The following GPHN variants were observed in gnomAD, a reference collection of about 807,000 sequenced individuals.
The protein encoded by GPHN is gephyrin.
A neutral mutation model predicts 95.5 loss-of-function variants in GPHN; 17 were observed. That is an observed-to-expected ratio of 0.18 (90% CI 0.12 to 0.27). GPHN has a LOEUF of 0.27. GPHN is among the 10% of genes least tolerant of loss of function. The pLI is 1.00. For synonymous variants in GPHN, 320 were observed against 322.5 expected, an observed-to-expected ratio of 0.99 and a Z score of 0.08; for missense variants, 660 against 978.1, an observed-to-expected ratio of 0.67 and a Z score of 4.34.
intron 8 of GPHN, among the ~76,000 whole-genome samples, chr14:66,956,885 A>G (rs1312245805): frequency 6.9e-6 from 1 of 145,426 alleles, no homozygotes; most frequent in South Asian, 2.2e-4. Flanking sequence ...AACACCGCAT[A>G]TTCTCACTCA....
At chr14:67,623,493 C>T in the GPHN span, among the ~76,000 whole-genome samples, 6 of 146,646 alleles carry the variant, frequency 4.1e-5, no homozygotes, top group Non-Finnish European at 8.9e-5. Context: ...GTTTTATTTC[C>T]TTGGGCTTAG....
chr14:67,388,273 A>G, the GPHN span: 5 of 1,613,310 alleles, frequency 3.1e-6, no homozygotes, highest in Non-Finnish European at 4.2e-6. Context: ...AACCACGAAG[A>G]GAAAACCCAC....
chr14:67,302,999 G>A, the GPHN span, among the ~76,000 whole-genome samples: 768 of 152,118 alleles, frequency 5.0e-3, 3 homozygotes, highest in Non-Finnish European at 7.1e-3. Context: ...TGCAGTGTCC[G>A]GCATAATAAT....
chr14:67,689,831 C>T, the GPHN span, among the ~76,000 whole-genome samples: 3 of 152,000 alleles, frequency 2.0e-5, no homozygotes, highest in African/African-American at 7.3e-5. Flanking sequence ...GTAGTCCCAG[C>T]TACTCAGGAG....
At chr14:66,821,254 T>C (rs2061178037) in intron 3 of GPHN, among the ~76,000 whole-genome samples, 1 of 152,246 alleles carries the variant, frequency 6.6e-6, no homozygotes, top group Admixed American at 6.5e-5. Flanking sequence ...ATAAACTGCT[T>C]TTTAAACATG....
chr14:67,589,300 G>C, the GPHN span: 1 of 965,580 alleles, frequency 1.0e-6, no homozygotes, highest in Non-Finnish European at 1.2e-6. Flanking sequence ...AACTAACTTA[G>C]AAACAAAGGA....
At chr14:66,544,982 C>T (rs2059487111) in intron 1 of GPHN, among the ~76,000 whole-genome samples, 1 of 152,224 alleles carries the variant, frequency 6.6e-6, no homozygotes, top group African/African-American at 2.4e-5. Flanking sequence ...TCTCCTGTGT[C>T]TACCTCCTAC....
intron 2 of GPHN, among the ~76,000 whole-genome samples, chr14:66,695,616 A>T (rs1444587994): frequency 1.3e-5 from 2 of 152,242 alleles, no homozygotes; most frequent in Non-Finnish European, 2.9e-5. Flanking sequence ...GATAACCTTC[A>T]GTGGGTGAAT....
At chr14:66,512,092 T>A (rs1259850677) in intron 1 of GPHN, among the ~76,000 whole-genome samples, 3 of 151,874 alleles carry the variant, frequency 2.0e-5, no homozygotes, top group Non-Finnish European at 4.4e-5. Context: ...AATATGGTAA[T>A]GAGTAACATG....
intron 18 of GPHN, among the ~76,000 whole-genome samples, chr14:67,153,990 A>G (rs1567416380): frequency 6.6e-6 from 1 of 152,234 alleles, no homozygotes; most frequent in Non-Finnish European, 1.5e-5. Context: ...GGCTATTTTT[A>G]AAAACAATTT....
At chr14:66,964,047 A>G (rs1006544665) in intron 8 of GPHN, among the ~76,000 whole-genome samples, 8 of 152,316 alleles carry the variant, frequency 5.3e-5, no homozygotes, top group South Asian at 2.1e-4. Flanking sequence ...TAGAAGACGT[A>G]TGCCCGTTAC....
chr14:66,781,497 C>T (rs537522700), intron 3 of GPHN, among the ~76,000 whole-genome samples: 46 of 152,230 alleles, frequency 3.0e-4, no homozygotes, highest in South Asian at 1.0e-3. Flanking sequence ...GGATTACAGA[C>T]GTGAGCCACC....
the GPHN span, among the ~76,000 whole-genome samples, chr14:67,281,860 C>CT: frequency 1.3e-5 from 2 of 151,236 alleles, no homozygotes; most frequent in African/African-American, 4.9e-5. Context: ...CTATTGCTGA[C>CT]TTTTTTACAA....
chr14:66,589,272 C>T (rs1302203464), intron 1 of GPHN, among the ~76,000 whole-genome samples: 4 of 152,110 alleles, frequency 2.6e-5, no homozygotes, highest in Admixed American at 1.3e-4. Context: ...CCAGCCACTG[C>T]AAAAACATAC....
At chr14:67,255,711 C>G in the GPHN span, among the ~76,000 whole-genome samples, 1 of 152,160 alleles carries the variant, frequency 6.6e-6, no homozygotes, top group Non-Finnish European at 1.5e-5. Context: ...GATGGAGTCT[C>G]GCTCTGTTGC....
intron 1 of GPHN, among the ~76,000 whole-genome samples, chr14:66,598,235 G>A (rs2062066831): frequency 6.6e-6 from 1 of 152,130 alleles, no homozygotes; most frequent in Non-Finnish European, 1.5e-5. Flanking sequence ...ATAACAATAT[G>A]TTGTATATTT....
the GPHN span, among the ~76,000 whole-genome samples, chr14:67,661,299 A>AAAT: frequency 7.7e-6 from 1 of 129,920 alleles, no homozygotes; most frequent in Non-Finnish European, 1.7e-5. Flanking sequence ...AAAAAAAAAA[A>AAAT]GTTTTTTTTT....
chr14:66,968,199 G>C (rs539204696), intron 9 of GPHN, among the ~76,000 whole-genome samples: 1 of 151,936 alleles, frequency 6.6e-6, no homozygotes, highest in South Asian at 2.1e-4. Context: ...CAATTTCGGG[G>C]TTTCAAATTT....
the GPHN span, chr14:67,646,878 T>C: frequency 1.4e-6 from 2 of 1,447,090 alleles, no homozygotes; most frequent in Non-Finnish European, 1.9e-6. Context: ...TTGTTAAAAA[T>C]GCTCTTTAAA....
Sources: allele counts gnomAD v4.1 joint callset (sites outside exome capture counted in the v4.1 genomes callset), GRCh38; gene constraint gnomAD v4.1.1; transcripts MANE v1.5; gene names NCBI Gene and HGNC (gene_info 2026-07-23, HGNC 2026-07-21).